Variants in ZZEF1 observed in about 807,000 individuals in gnomAD.
ZZEF1 encodes zinc finger ZZ-type and EF-hand domain-containing protein 1.
Under a neutral mutation model 342.8 loss-of-function variants are expected in ZZEF1, and 157 were observed. The observed-to-expected ratio is 0.46, with a 90% CI of 0.40 to 0.52. The LOEUF (loss-of-function observed/expected upper bound fraction) is 0.52, where lower values mean the gene tolerates loss of function less well. Among genes scored for constraint, ZZEF1 ranks in the 20% least tolerant of loss-of-function variants. The probability of loss-of-function intolerance (pLI) is 0.00; values close to 1 mark genes in which losing one functional copy is unlikely to be tolerated. For synonymous variants in ZZEF1, 1,505 were observed against 1,429.1 expected (o/e 1.05, Z -1.20); for missense variants, 3,480 against 3,725.6 (o/e 0.93, Z 1.72).
intron 24 of ZZEF1, 94 bp downstream of exon 24, chr17:4,074,056 T>G: frequency 7.3e-7 from 1 of 1,372,284 alleles, no homozygotes; most frequent in South Asian, 1.3e-5. Flanking sequence ...ATTAACCCCC[T>G]GCCATTACGT....
rs9895575 is a variant in ZZEF1, at chr17:4,006,270, G to A, written c.*620C>T. 0.13 allele frequency: 19,764 copies of A among 156,264 alleles called. 1,387 individuals carry two copies. The highest frequency in any genetic ancestry group is 0.19 in the African/African-American group (7,762 of 41,530). 9.7% of individuals were successfully genotyped at this position (156,264 alleles called of 1,614,324 possible). A position where few individuals can be genotyped will look rare whatever the true frequency, so the allele number is the denominator to read the frequency against. ...GGTGCATGAGCAGACGTACAGGGGC[G>A]CCTGCCGGCTGTCCCCAAGGGCACT... On this transcript the variant is annotated 3_prime_UTR_variant, in exon 55 of 55. Coordinates refer to ENST00000381638, the MANE Select transcript of ZZEF1 (RefSeq NM_015113.4).
At chr17:4,032,298 A>G (rs373627612) in intron 41 of ZZEF1, 40 bp from the exon 42 acceptor site, 15 of 1,595,594 alleles carry the variant, frequency 9.4e-6, no homozygotes, top group African/African-American at 8.1e-5. Context: ...CAACTCAAAC[A>G]TGGAGACAAG....
chr17:4,118,532 G>A (rs1414393389), intron 2 of ZZEF1, among the ~76,000 whole-genome samples: 1 of 152,104 alleles, frequency 6.6e-6, no homozygotes, highest in Non-Finnish European at 1.5e-5. Flanking sequence ...TGACCCAAGC[G>A]GCAGAGCAGC....
At chr17:4,019,149 CAAAAT>C (rs1301985591) in intron 46 of ZZEF1, among the ~76,000 whole-genome samples, 2 of 151,798 alleles carry the variant, frequency 1.3e-5, no homozygotes, top group Non-Finnish European at 2.9e-5. Context: ...ACACGAAACA[CAAAAT>C]AAAAGAAAAA....
At chr17:4,085,020 G>A (rs533702540) in intron 16 of ZZEF1, among the ~76,000 whole-genome samples, 2 of 152,328 alleles carry the variant, frequency 1.3e-5, no homozygotes, top group African/African-American at 4.8e-5. Flanking sequence ...GCTGAGGTGG[G>A]AGGATTGCTT....
chr17:4,090,691 AG>A, intron 12 of ZZEF1, 27 bp downstream of exon 12: 3 of 1,548,822 alleles, frequency 1.9e-6, no homozygotes, highest in Non-Finnish European at 2.7e-6. Context: ...AAAGGAGGGG[AG>A]TGGGCAAACG....
intron 19 of ZZEF1, 29 bp from the exon 20 acceptor site, chr17:4,077,018 A>G (rs538448130): frequency 3.4e-5 from 53 of 1,570,654 alleles, no homozygotes; most frequent in Middle Eastern, 2.0e-4. Flanking sequence ...TAATTAATAT[A>G]TTATATAGTA....
chr17:4,052,545 C>T (rs1379719776), intron 34 of ZZEF1, among the ~76,000 whole-genome samples: 1 of 151,998 alleles, frequency 6.6e-6, no homozygotes, highest in East Asian at 1.9e-4. Flanking sequence ...TGAAAACAGA[C>T]TTCCAAAATA....
At position 4,142,861 on chromosome 17, in the gene ZZEF1, T is replaced by A; in HGVS notation, c.35A>T (p.Glu12Val). 7.2e-7 allele frequency: 1 copy of A among 1,393,302 alleles called. No homozygotes were observed. The highest frequency in any genetic ancestry group is 9.2e-7 in the Non-Finnish European group (1 of 1,082,906). The allele number at this position is 1,393,302 out of a possible 1,614,324, so 86.3% of individuals were successfully genotyped here. A position where few individuals can be genotyped will look rare whatever the true frequency, so the allele number is the denominator to read the frequency against. ...GCCCTCGCCACCGGCAGCTGCCGCT[T>A]CGTCTTCACTGCTGTGACTCGGAGC... ...GNAPSHSSEDEAAAAGGEGWG... is the reference protein window; with the variant it reads ...GNAPSHSSEDVAAAAGGEGWG... Residue 12 changes from glutamate (E) to valine (V), a missense_variant, in exon 1 of 55, where the codon GAA (glutamate) becomes GTA (valine). By Grantham distance (121) the Glu-to-Val change is moderately radical. Around this residue, in one of 5 missense-constraint regions of ZZEF1, gnomAD observed 416 missense variants for 374.2 expected, o/e 1.11. Coordinates refer to ENST00000381638, the MANE Select transcript of ZZEF1 (RefSeq NM_015113.4).
chr17:4,041,821 CA>C (rs2056809460), intron 39 of ZZEF1, among the ~76,000 whole-genome samples: 1 of 151,780 alleles, frequency 6.6e-6, no homozygotes, highest in South Asian at 2.1e-4. Context: ...GCAAGGGAAG[CA>C]GATTAAAGAC....
chr17:4,008,967 A>C lies in ZZEF1; in HGVS notation c.8734-13T>G. The stretch of plus-strand genomic sequence containing the variant: ...GCACGCCAAGCTCCTGCAGAGAGAG[A>C]GCAGGGGCTGTGAGTGACAGCGCCA... On this transcript the variant is annotated splice_polypyrimidine_tract_variant and intron_variant, in intron 53 of 54. Transcript: ENST00000381638. The surrounding 1 kb of genome is among the most constrained non-coding windows in gnomAD (Gnocchi z 4.2). 6.5e-7 allele frequency: 1 copy of C among 1,539,266 alleles called. No individual in the cohort carries two copies. The highest frequency in any genetic ancestry group is 8.7e-7 in the Non-Finnish European group (1 of 1,146,826).
At chr17:4,038,535 C>A (rs760105340) in intron 39 of ZZEF1, among the ~76,000 whole-genome samples, 2 of 152,116 alleles carry the variant, frequency 1.3e-5, no homozygotes, top group African/African-American at 2.4e-5. Flanking sequence ...CCGGGCGCAG[C>A]GGCTCACGCC....
intron 42 of ZZEF1, among the ~76,000 whole-genome samples, chr17:4,029,011 C>T (rs2056477745): frequency 6.6e-6 from 1 of 152,204 alleles, no homozygotes; most frequent in African/African-American, 2.4e-5. Context: ...CATACAATTA[C>T]AGTTAGAAAC....
Position 4,088,691 on chromosome 17 carries a change from A to T in ZZEF1, c.2228T>A (p.Leu743His). The change falls in exon 13 of 55, where the codon CTC becomes CAC. Residue 743 changes from leucine (L) to histidine (H), a missense_variant. Leu to His is a moderately conservative substitution (Grantham distance 99). Transcript: ENST00000381638. ...LLRTLQFIQQLAHDLVQQKES... is the reference protein window; with the variant it reads ...LLRTLQFIQQHAHDLVQQKES... ...AGGAAGCCCTACCAGGTCATGGGCG[A>T]GCTGCTGGATAAACTGAAGGGTCCT... 3 of 1,613,866 alleles carry T rather than the reference A, an allele frequency of 1.9e-6. No individual in the cohort carries two copies. The highest frequency in any genetic ancestry group is 2.5e-6 in the Non-Finnish European group (3 of 1,180,020).
chr17:4,100,052 C>T lies in ZZEF1; in HGVS notation c.1672+2265G>A, dbSNP rs544619593. Among the ~76,000 whole-genome samples, 77 of 152,230 alleles carry T rather than the reference C, an allele frequency of 5.1e-4. 1 individual carries two copies. The highest frequency in any genetic ancestry group is 1.7e-3 in the African/African-American group (69 of 41,536). ...TGGTGACTGCCAGGAACGTTAGCCC[C>T]CTGAAGTATCAGCGTTTGAGTTCTC... On this transcript the variant is annotated intron_variant, in intron 9 of 54. Coordinates refer to ENST00000381638, the MANE Select transcript of ZZEF1 (RefSeq NM_015113.4).
intron 7 of ZZEF1, 21 bp downstream of exon 7, chr17:4,105,672 C>T: frequency 1.3e-6 from 2 of 1,556,616 alleles, no homozygotes; most frequent in Non-Finnish European, 8.9e-7. Flanking sequence ...CAGAGTTTAC[C>T]CTCATCAGCC....
At chr17:4,040,054 T>C (rs1327776745) in intron 39 of ZZEF1, among the ~76,000 whole-genome samples, 2 of 152,114 alleles carry the variant, frequency 1.3e-5, no homozygotes, top group Non-Finnish European at 2.9e-5. Context: ...AAAGAAAATA[T>C]TTAGGCAAAA....
Position 4,081,413 on chromosome 17 carries a change from G to A in ZZEF1, c.2792C>T (p.Ala931Val). 8 of 1,613,854 alleles carry A rather than the reference G, an allele frequency of 5.0e-6. No individual in the cohort carries two copies. Among genetic ancestry groups the A allele is most frequent in the Middle Eastern group, 1.7e-4 (1 of 5,862 alleles). Residue 931 changes from alanine to valine, a missense_variant, in exon 18 of 55, where the codon GCG becomes GTG. Transcript: ENST00000381638. Reference protein sequence around the residue: ...LAKMNISEVLAVMDTLVSVAA... With the variant: ...LAKMNISEVLVVMDTLVSVAA... ...AACAGAGACGAGAGTGTCCATGACC[G>A]CCAGGACTTCACTGATGTTCATCTT...
intron 1 of ZZEF1, among the ~76,000 whole-genome samples, chr17:4,125,883 A>G (rs1321865983): frequency 6.6e-6 from 1 of 152,196 alleles, no homozygotes; most frequent in Non-Finnish European, 1.5e-5. Flanking sequence ...TAGAAGACAG[A>G]GGGAAATGCT....
Sources: allele counts gnomAD v4.1 joint callset (sites outside exome capture counted in the v4.1 genomes callset), GRCh38; gene constraint gnomAD v4.1.1; regional missense constraint gnomAD v4.1.1; non-coding constraint Gnocchi (gnomAD v3.1); transcripts MANE v1.5; gene names NCBI Gene and HGNC (gene_info 2026-07-23, HGNC 2026-07-21).